Variants in ELMO1 observed in about 807,000 individuals in gnomAD.
ELMO1 encodes the protein engulfment and cell motility protein 1.
Under a neutral mutation model 98.9 loss-of-function variants are expected in ELMO1, and 26 were observed. That is an observed-to-expected ratio of 0.26 (90% CI 0.19 to 0.36). The LOEUF (loss-of-function observed/expected upper bound fraction) is 0.36, where lower values mean the gene tolerates loss of function less well. ELMO1 is among the 10% of genes least tolerant of loss of function. The pLI, the probability that ELMO1 is intolerant of heterozygous loss-of-function variation, is 1.00. For missense variants in ELMO1, 627 were observed against 935.2 expected (o/e 0.67, Z 4.30); for synonymous variants, 346 against 346.0 (o/e 1.00, Z 0.00).
intron 14 of ELMO1, among the ~76,000 whole-genome samples, chr7:37,111,983 C>T (rs941705607): frequency 4.6e-5 from 7 of 152,088 alleles, no homozygotes; most frequent in Admixed American, 1.3e-4. Context: ...TCAAACTCTG[C>T]CCAATTTGAT....
At chr7:36,973,373 T>C (rs1438273708) in intron 16 of ELMO1, among the ~76,000 whole-genome samples, 1 of 152,240 alleles carries the variant, frequency 6.6e-6, no homozygotes, top group African/African-American at 2.4e-5. Context: ...GACTGTGTTT[T>C]AACAATGTCC....
At chr7:37,075,983 AC>A (rs777207941) in intron 15 of ELMO1, among the ~76,000 whole-genome samples, 45 of 152,312 alleles carry the variant, frequency 3.0e-4, no homozygotes, top group South Asian at 1.5e-3. Context: ...GTTGAGGGGA[AC>A]TTTTTAAACT....
chr7:36,920,163 C>G (rs750597523), intron 16 of ELMO1, among the ~76,000 whole-genome samples: 4 of 152,236 alleles, frequency 2.6e-5, no homozygotes, highest in Admixed American at 2.0e-4. Context: ...GGCCACCACA[C>G]AGTCAACTAC....
intron 15 of ELMO1, among the ~76,000 whole-genome samples, chr7:37,050,700 T>C (rs183195077): frequency 1.3e-5 from 2 of 150,592 alleles, no homozygotes; most frequent in Admixed American, 1.3e-4. Context: ...GGCTTGACTG[T>C]AGAAATCATT....
At chr7:37,062,871 T>A (rs1796740761) in intron 15 of ELMO1, among the ~76,000 whole-genome samples, 1 of 152,162 alleles carries the variant, frequency 6.6e-6, no homozygotes, top group Admixed American at 6.5e-5. Flanking sequence ...GACAGTTGCA[T>A]GAGCAGCTCA....
At chr7:36,932,664 G>C (rs1308948206) in intron 16 of ELMO1, among the ~76,000 whole-genome samples, 1 of 152,214 alleles carries the variant, frequency 6.6e-6, no homozygotes, top group Admixed American at 6.5e-5. Flanking sequence ...GATCAGAGAG[G>C]AGACAGACAC....
At chr7:37,438,111 TCTC>T (rs1303128210) in intron 1 of ELMO1, among the ~76,000 whole-genome samples, 1 of 152,152 alleles carries the variant, frequency 6.6e-6, no homozygotes, top group Non-Finnish European at 1.5e-5. Context: ...TTGACCAACA[TCTC>T]CTCTTTCCCT....
At chr7:37,257,452 C>T (rs1036136222) in intron 6 of ELMO1, among the ~76,000 whole-genome samples, 4 of 149,730 alleles carry the variant, frequency 2.7e-5, no homozygotes, top group African/African-American at 7.4e-5. Flanking sequence ...AGGCCAGGCA[C>T]GGTGGCTCAC....
intron 20 of ELMO1, among the ~76,000 whole-genome samples, chr7:36,866,433 C>A (rs1803036823): frequency 6.6e-6 from 1 of 152,174 alleles, no homozygotes; most frequent in Admixed American, 6.5e-5. Context: ...CCCATTTAGT[C>A]CTGTGCTATT....
intron 13 of ELMO1, among the ~76,000 whole-genome samples, chr7:37,179,012 G>A (rs1299027046): frequency 2.6e-5 from 4 of 152,144 alleles, no homozygotes; most frequent in African/African-American, 9.7e-5. Flanking sequence ...ATCACACACT[G>A]TTAATATTTG....
At chr7:36,875,323 C>T (rs1803858243) in intron 19 of ELMO1, among the ~76,000 whole-genome samples, 2 of 152,002 alleles carry the variant, frequency 1.3e-5, no homozygotes, top group African/African-American at 2.4e-5. Context: ...ATGAGTATAC[C>T]CATTTCTCTA....
intron 16 of ELMO1, among the ~76,000 whole-genome samples, chr7:36,971,758 C>A (rs987017087): frequency 5.3e-5 from 8 of 152,254 alleles, no homozygotes; most frequent in Admixed American, 5.2e-4. Flanking sequence ...TCCATAATCT[C>A]GAGTGACTGA....
chr7:37,129,810 A>G (rs1415799249), intron 14 of ELMO1, among the ~76,000 whole-genome samples: 1 of 152,160 alleles, frequency 6.6e-6, no homozygotes, highest in Non-Finnish European at 1.5e-5. Flanking sequence ...ACACTTCAGA[A>G]ATTCTTCACT....
chr7:36,893,423 A>G (rs554160377), intron 17 of ELMO1, among the ~76,000 whole-genome samples: 1 of 152,302 alleles, frequency 6.6e-6, no homozygotes, highest in South Asian at 2.1e-4. Flanking sequence ...GCTGGTGCTC[A>G]TGCAGGTATG....
chr7:36,999,787 G>A (rs937671558), intron 16 of ELMO1, among the ~76,000 whole-genome samples: 1 of 152,146 alleles, frequency 6.6e-6, no homozygotes, highest in Non-Finnish European at 1.5e-5. Flanking sequence ...GTGTGTGTGT[G>A]TTTGAATCTG....
intron 1 of ELMO1, among the ~76,000 whole-genome samples, chr7:37,398,497 T>C (rs1175137608): frequency 6.6e-6 from 1 of 152,248 alleles, no homozygotes; most frequent in Non-Finnish European, 1.5e-5. Context: ...ACCTTGTTTA[T>C]CTTTCTGCTT....
intron 16 of ELMO1, among the ~76,000 whole-genome samples, chr7:36,987,215 C>G (rs187109959): frequency 6.6e-5 from 10 of 152,152 alleles, no homozygotes; most frequent in Admixed American, 4.6e-4. Context: ...TCAGACTCCT[C>G]CCCTGCTTGC....
intron 13 of ELMO1, among the ~76,000 whole-genome samples, chr7:37,171,685 G>T (rs1330734334): frequency 6.6e-6 from 1 of 151,458 alleles, no homozygotes. Context: ...GTGGAGACGG[G>T]GTTTCACCAT....
At chr7:37,084,737 C>G (rs555606399) in intron 15 of ELMO1, among the ~76,000 whole-genome samples, 34 of 151,750 alleles carry the variant, frequency 2.2e-4, no homozygotes, top group Non-Finnish European at 4.3e-4. Flanking sequence ...AGTGGTCTCC[C>G]TCTTTTTAAA....
Sources: allele counts gnomAD v4.1 joint callset (sites outside exome capture counted in the v4.1 genomes callset), GRCh38; gene constraint gnomAD v4.1.1; transcripts MANE v1.5; gene names NCBI Gene and HGNC (gene_info 2026-07-23, HGNC 2026-07-21).